The following PRELID2 variants were observed in gnomAD, a reference collection of about 807,000 sequenced individuals.
PRELID2 encodes the protein PRELI domain-containing protein 2.
A neutral mutation model predicts 28.4 loss-of-function variants in PRELID2; 25 were observed. The observed-to-expected ratio is 0.88, with a 90% CI of 0.64 to 1.23. The LOEUF (loss-of-function observed/expected upper bound fraction) is 1.23, where lower values mean the gene tolerates loss of function less well. Ranked by LOEUF, PRELID2 falls within the 50% of genes most tolerant of loss-of-function variation. PRELID2 has a pLI of 0.00. For synonymous variants in PRELID2, 76 were observed against 71.6 expected, an observed-to-expected ratio of 1.06 and a Z score of -0.31; for missense variants, 201 against 214.4, an observed-to-expected ratio of 0.94 and a Z score of 0.39.
intron 1 of PRELID2, among the ~76,000 whole-genome samples, chr5:145,505,365 A>T (rs1752401652): frequency 1.3e-5 from 2 of 152,156 alleles, no homozygotes; most frequent in South Asian, 4.1e-4. Context: ...AATAGGGAAC[A>T]TCTGAGTTGG....
At chr5:145,349,737 A>G in the PRELID2 span, among the ~76,000 whole-genome samples, 3 of 152,174 alleles carry the variant, frequency 2.0e-5, no homozygotes, top group Non-Finnish European at 2.9e-5. Flanking sequence ...ATTTCAGAAT[A>G]TGGTCTTTAT....
At chr5:145,754,583 T>A (rs1757209196), downstream of PRELID2, among the ~76,000 whole-genome samples, 1 of 152,164 alleles carries the variant, frequency 6.6e-6, no homozygotes. Flanking sequence ...CAGGATCTGG[T>A]TTGAGGTACT....
intron 5 of PRELID2, among the ~76,000 whole-genome samples, chr5:145,784,385 A>G (rs1751850234): frequency 6.6e-6 from 1 of 152,180 alleles, no homozygotes; most frequent in South Asian, 2.1e-4. Context: ...CTTCTCAACA[A>G]TTTTATGAAG....
chr5:145,396,674 C>T, the PRELID2 span, among the ~76,000 whole-genome samples: 2 of 152,166 alleles, frequency 1.3e-5, no homozygotes, highest in African/African-American at 4.8e-5. Flanking sequence ...ATACTTCACC[C>T]TAATTTCTGA....
chr5:145,761,803 T>C (rs1757489441), intron 6 of PRELID2, among the ~76,000 whole-genome samples: 1 of 152,200 alleles, frequency 6.6e-6, no homozygotes, highest in Non-Finnish European at 1.5e-5. Context: ...ATTATAGCTA[T>C]AGAGCTAATT....
the PRELID2 span, among the ~76,000 whole-genome samples, chr5:145,317,713 G>A: frequency 6.6e-6 from 1 of 152,182 alleles, no homozygotes; most frequent in Non-Finnish European, 1.5e-5. Flanking sequence ...ACTCCAGAAA[G>A]TTCTTCTGAG....
intron 1 of PRELID2, among the ~76,000 whole-genome samples, chr5:145,586,748 GATT>G (rs375889412): frequency 1.1e-4 from 16 of 151,038 alleles, no homozygotes; most frequent in African/African-American, 3.9e-4. Flanking sequence ...GAAAGTTTGA[GATT>G]ATTAAATCCA....
chr5:145,726,321 A>AAAG (rs1561559879), intron 1 of PRELID2, among the ~76,000 whole-genome samples: 37 of 137,612 alleles, frequency 2.7e-4, no homozygotes, highest in Middle Eastern at 3.6e-3. Flanking sequence ...GAGAGAGAGA[A>AAAG]AGAGAGAAAG....
chr5:145,630,742 C>T (rs1259413913), intron 1 of PRELID2, among the ~76,000 whole-genome samples: 1 of 152,160 alleles, frequency 6.6e-6, no homozygotes, highest in Non-Finnish European at 1.5e-5. Flanking sequence ...CATTGGCTGC[C>T]TGATTTAGAA....
chr5:145,328,575 T>C, the PRELID2 span, among the ~76,000 whole-genome samples: 2 of 152,178 alleles, frequency 1.3e-5, no homozygotes, highest in South Asian at 4.1e-4. Flanking sequence ...TCCACATAAA[T>C]GTCTTCTTTT....
At chr5:145,662,757 G>A (rs1293612258) in intron 1 of PRELID2, among the ~76,000 whole-genome samples, 2 of 151,928 alleles carry the variant, frequency 1.3e-5, no homozygotes, top group African/African-American at 4.8e-5. Flanking sequence ...AGCCACCTTG[G>A]GACTCTACAG....
chr5:145,413,507 T>C, the PRELID2 span, among the ~76,000 whole-genome samples: 1 of 152,098 alleles, frequency 6.6e-6, no homozygotes, highest in Non-Finnish European at 1.5e-5. Flanking sequence ...AGTCATTATA[T>C]GAGAAAGATA....
intron 1 of PRELID2, among the ~76,000 whole-genome samples, chr5:145,726,388 T>G (rs1012506268): frequency 6.6e-6 from 1 of 152,156 alleles, no homozygotes; most frequent in African/African-American, 2.4e-5. Context: ...GTAAATACTC[T>G]AAGCAAAAGG....
the PRELID2 span, among the ~76,000 whole-genome samples, chr5:145,362,533 C>G: frequency 3.9e-5 from 6 of 152,030 alleles, no homozygotes; most frequent in Admixed American, 3.3e-4. Flanking sequence ...GATCATGGCC[C>G]AGAACCTGGT....
At chr5:145,404,277 C>T in the PRELID2 span, among the ~76,000 whole-genome samples, 1 of 152,196 alleles carries the variant, frequency 6.6e-6, no homozygotes, top group Non-Finnish European at 1.5e-5. Context: ...CCTTTCCGCA[C>T]ACTCTGTGCA....
the PRELID2 span, among the ~76,000 whole-genome samples, chr5:145,395,162 G>A: frequency 6.6e-6 from 1 of 151,980 alleles, no homozygotes; most frequent in African/African-American, 2.4e-5. Context: ...AAATACTGGT[G>A]TCATCTATAA....
chr5:145,742,042 T>G (rs1240352661), intron 1 of PRELID2, among the ~76,000 whole-genome samples: 1 of 127,552 alleles, frequency 7.8e-6, no homozygotes, highest in Admixed American at 8.3e-5. Flanking sequence ...TCATTAATAA[T>G]AAATAAATTT....
At chr5:145,685,895 C>A (rs537908036) in intron 1 of PRELID2, among the ~76,000 whole-genome samples, 1 of 152,290 alleles carries the variant, frequency 6.6e-6, no homozygotes, top group East Asian at 1.9e-4. Flanking sequence ...TGTGAGGAAT[C>A]TCCTCCAAGA....
chr5:145,722,902 G>T (rs948440395), intron 1 of PRELID2, among the ~76,000 whole-genome samples: 3 of 152,176 alleles, frequency 2.0e-5, no homozygotes, highest in South Asian at 4.2e-4. Flanking sequence ...TTGTATCAAG[G>T]CTATACCCCC....
Sources: allele counts gnomAD v4.1 joint callset (sites outside exome capture counted in the v4.1 genomes callset), GRCh38; gene constraint gnomAD v4.1.1; transcripts MANE v1.5; gene names NCBI Gene and HGNC (gene_info 2026-07-23, HGNC 2026-07-21).